Variants in FABP12 observed in about 807,000 individuals in gnomAD.
The protein encoded by FABP12 is fatty acid binding protein 12.
Under a neutral mutation model 13.7 loss-of-function variants are expected in FABP12, and 19 were observed. The observed-to-expected ratio is 1.39, with a 90% confidence interval of 0.97 to 2.04. FABP12 has a LOEUF of 2.04. Ranked by LOEUF, FABP12 falls within the 30% of genes most tolerant of loss-of-function variation. The probability of loss-of-function intolerance (pLI) is 0.00; values close to 1 mark genes in which losing one functional copy is unlikely to be tolerated. For synonymous variants in FABP12, 61 were observed against 57.0 expected, an observed-to-expected ratio of 1.07 and a Z score of -0.32; for missense variants, 182 against 164.2, an observed-to-expected ratio of 1.11 and a Z score of -0.59.
chr8:81,552,379 T>C (rs1162584288), intron 1 of FABP12, among the ~76,000 whole-genome samples: 1 of 151,982 alleles, frequency 6.6e-6, no homozygotes, highest in African/African-American at 2.4e-5. Context: ...GGAAGAAGGG[T>C]CAGGTCACAA....
intron 1 of FABP12, among the ~76,000 whole-genome samples, chr8:81,573,113 ATTTATTTTT>A: frequency 6.6e-6 from 1 of 152,098 alleles, no homozygotes; most frequent in African/African-American, 2.4e-5. Context: ...TCCATCTTGA[ATTTATTTTT>A]GTATAAGGTG....
Position 81,529,577 on chromosome 8 carries a change from A to T in FABP12, c.107T>A (p.Leu36Ter). 1 of 1,613,932 alleles carries T rather than the reference A, an allele frequency of 6.2e-7. No individual in the cohort carries two copies. Among genetic ancestry groups the T allele is most frequent in the Non-Finnish European group, 8.5e-7 (1 of 1,179,852 alleles). The change falls in exon 3 of 5, where the codon TTG (leucine) becomes TAG (stop). Residue 36 changes from leucine to a stop codon, truncating the protein, a stop_gained. Transcript: ENST00000360464. LOFTEE classifies it high-confidence loss of function. ...ACTGATGGTCACAGTGGGTTTTGCCAAACGGCCCAGTTTCCTGCTGGCTCT... is the reference window on the plus strand; with the variant it reads ...ACTGATGGTCACAGTGGGTTTTGCCTAACGGCCCAGTTTCCTGCTGGCTCT...
At chr8:81,578,825 T>TTCTTTTA (rs796181201) in intron 1 of FABP12, among the ~76,000 whole-genome samples, 3 of 111,470 alleles carry the variant, frequency 2.7e-5, no homozygotes, top group Admixed American at 8.8e-5. Context: ...TTGTTCAAGT[T>TTCTTTTA]TTTTTTTTTT....
intron 1 of FABP12, among the ~76,000 whole-genome samples, chr8:81,571,179 G>C (rs537397860): frequency 1.2e-4 from 18 of 152,330 alleles, no homozygotes; most frequent in Non-Finnish European, 2.4e-4. Flanking sequence ...CCTCAACCCA[G>C]CTCTGAGATC....
intron 1 of FABP12, among the ~76,000 whole-genome samples, chr8:81,550,304 A>T (rs540524448): frequency 8.5e-5 from 13 of 152,344 alleles, no homozygotes. Context: ...AAGGTAAATA[A>T]GGTAAAATGT....
upstream of FABP12, among the ~76,000 whole-genome samples, chr8:81,537,357 T>A (rs1002713781): frequency 1.3e-5 from 2 of 152,214 alleles, no homozygotes; most frequent in Non-Finnish European, 2.9e-5. Flanking sequence ...ATGAGCCTGT[T>A]AAATTATAAA....
At chr8:81,527,552 G>A (rs919869989) in intron 3 of FABP12, among the ~76,000 whole-genome samples, 25 of 151,820 alleles carry the variant, frequency 1.6e-4, no homozygotes, top group African/African-American at 5.6e-4. Flanking sequence ...TAGTAAAGAC[G>A]GGGTTTCACC....
chr8:81,556,364 G>A (rs1809615782), intron 1 of FABP12, among the ~76,000 whole-genome samples: 1 of 152,134 alleles, frequency 6.6e-6, no homozygotes. Context: ...TCATTGACTG[G>A]AACAATTGGA....
At chr8:81,589,098 G>C (rs1292382039) in intron 1 of FABP12, among the ~76,000 whole-genome samples, 3 of 152,192 alleles carry the variant, frequency 2.0e-5, no homozygotes, top group Non-Finnish European at 4.4e-5. Context: ...CCAGCAACTA[G>C]AGGAGAGAAA....
At chr8:81,557,243 C>T (rs1017760648) in intron 1 of FABP12, among the ~76,000 whole-genome samples, 3 of 152,152 alleles carry the variant, frequency 2.0e-5, no homozygotes, top group Non-Finnish European at 4.4e-5. Flanking sequence ...TAGTCTTCCT[C>T]ATACTGAGTC....
intron 1 of FABP12, among the ~76,000 whole-genome samples, chr8:81,587,178 CT>C (rs1810253112): frequency 6.6e-6 from 1 of 152,108 alleles, no homozygotes; most frequent in Non-Finnish European, 1.5e-5. Flanking sequence ...CAGTACCATG[CT>C]TTTTTAGTAA....
intron 1 of FABP12, among the ~76,000 whole-genome samples, chr8:81,555,615 G>C (rs765139895): frequency 2.0e-5 from 3 of 152,144 alleles, no homozygotes; most frequent in Non-Finnish European, 4.4e-5. Flanking sequence ...TCTTGGATAT[G>C]TTAGAAAATG....
At chr8:81,533,596 TC>T (rs972475005) in intron 1 of FABP12, among the ~76,000 whole-genome samples, 1 of 151,986 alleles carries the variant, frequency 6.6e-6, no homozygotes, top group Non-Finnish European at 1.5e-5. Context: ...CCCCCCCACA[TC>T]CCAAGTGTCA....
intron 1 of FABP12, among the ~76,000 whole-genome samples, chr8:81,575,942 T>A (rs959269582): frequency 5.9e-5 from 9 of 152,202 alleles, no homozygotes; most frequent in African/African-American, 1.7e-4. Context: ...GGAAAAATTG[T>A]CTTCCACGAA....
At chr8:81,563,202 G>GC (rs1278563393) in intron 1 of FABP12, among the ~76,000 whole-genome samples, 4 of 152,172 alleles carry the variant, frequency 2.6e-5, no homozygotes, top group African/African-American at 9.7e-5. Flanking sequence ...GTCTGCAATA[G>GC]CCACAGCATT....
chr8:81,539,807 C>G (rs1422394639), intron 1 of FABP12, among the ~76,000 whole-genome samples: 3 of 152,144 alleles, frequency 2.0e-5, no homozygotes, highest in Non-Finnish European at 4.4e-5. Flanking sequence ...TGATTCAGAC[C>G]CTGCTGGGTT....
intron 1 of FABP12, among the ~76,000 whole-genome samples, chr8:81,566,389 T>C (rs563229472): frequency 2.6e-5 from 4 of 152,148 alleles, no homozygotes; most frequent in African/African-American, 9.6e-5. Context: ...AGCCAATATC[T>C]GTGATGAACA....
chr8:81,536,377 C>G (rs1809222305), upstream of FABP12, among the ~76,000 whole-genome samples: 1 of 152,218 alleles, frequency 6.6e-6, no homozygotes, highest in African/African-American at 2.4e-5. Flanking sequence ...TCCTACAAAG[C>G]AGGAGAGGAA....
chr8:81,528,070 G>GT (rs779976894), intron 3 of FABP12, among the ~76,000 whole-genome samples: 11 of 151,930 alleles, frequency 7.2e-5, no homozygotes, highest in East Asian at 3.9e-4. Flanking sequence ...ATATTTTCCA[G>GT]TTTTTTTTGT....
Sources: allele counts gnomAD v4.1 joint callset (sites outside exome capture counted in the v4.1 genomes callset), GRCh38; gene constraint gnomAD v4.1.1; transcripts MANE v1.5; gene names NCBI Gene and HGNC (gene_info 2026-07-23, HGNC 2026-07-21).